The following LRPPRC variants were observed in gnomAD, a reference collection of about 807,000 sequenced individuals.
LRPPRC encodes leucine-rich PPR motif-containing protein, mitochondrial.
LRPPRC carries 120 observed loss-of-function variants against 180.3 expected under a neutral mutation model. That is an observed-to-expected ratio of 0.67 (90% CI 0.57 to 0.77). LRPPRC has a LOEUF of 0.77. Ranked by LOEUF, LRPPRC falls within the 30% of genes least tolerant of loss-of-function variation. The pLI is 0.00. For missense variants in LRPPRC, 2,012 were observed against 1,657.2 expected (o/e 1.21, Z -3.72); for synonymous variants, 723 against 600.0 (o/e 1.21, Z -3.00).
At chr2:43,915,055 A>AAAAAATAC (rs1314973007) in intron 29 of LRPPRC, among the ~76,000 whole-genome samples, 115 of 25,198 alleles carry the variant, frequency 4.6e-3, no homozygotes, top group South Asian at 0.015. Context: ...TAAAAATACA[A>AAAAAATAC]AAAAAAAAAA....
intron 13 of LRPPRC, among the ~76,000 whole-genome samples, chr2:43,960,253 T>C (rs907501153): frequency 6.6e-6 from 1 of 152,202 alleles, no homozygotes; most frequent in Non-Finnish European, 1.5e-5. Flanking sequence ...AGAAGACTTC[T>C]TCTAAATCAC....
rs1484576296 is a variant in LRPPRC, at chr2:43,886,589, C to G, written c.*2011G>C. On this transcript the variant is annotated 3_prime_UTR_variant, in exon 38 of 38. Transcript: ENST00000260665. Reference sequence around the variant, plus strand: ...TGCCGAGAGGGCTAGATAAGGGGGTCTTACCTATTTCCTCTGTACCACACT... The same window carrying G: ...TGCCGAGAGGGCTAGATAAGGGGGTGTTACCTATTTCCTCTGTACCACACT... The G allele has an allele frequency of 6.6e-6, 1 of 152,194 alleles. No homozygotes were observed. Among genetic ancestry groups the G allele is most frequent in the Non-Finnish European group, 1.5e-5 (1 of 68,036 alleles). The allele number at this position is 152,194 out of a possible 1,614,324, so 9.4% of individuals were successfully genotyped here. A position where few individuals can be genotyped will look rare whatever the true frequency, so the allele number is the denominator to read the frequency against.
rs1428005995 is a variant in LRPPRC at position 43,960,634 on chromosome 2, C to T, written c.1489G>A (p.Glu497Lys). The T allele has an allele frequency of 2.0e-6, 3 of 1,526,388 alleles. No individual in the cohort carries two copies. Among genetic ancestry groups the T allele is most frequent in the Non-Finnish European group, 9.1e-7 (1 of 1,102,458 alleles). The allele number at this position is 1,526,388 out of a possible 1,614,324, so 94.6% of individuals were successfully genotyped here. A position where few individuals can be genotyped will look rare whatever the true frequency, so the allele number is the denominator to read the frequency against. ...TCACTATCAGACAGACATCCATTTT[C>T]CTGGAGATAAAGCATATATCAATGA... ...SVNSARAILQ[E>K]NGCLSDSDMF... The change falls in exon 13 of 38, where the codon GAA (glutamate) becomes AAA (lysine). Residue 497 changes from glutamate to lysine, a missense_variant and splice_region_variant. By Grantham distance (56) the Glu-to-Lys change is moderately conservative. Transcript: ENST00000260665.
intron 25 of LRPPRC, among the ~76,000 whole-genome samples, chr2:43,928,354 A>C (rs925146102): frequency 2.0e-5 from 3 of 152,340 alleles, no homozygotes; most frequent in Non-Finnish European, 2.9e-5. Context: ...AATAATTATT[A>C]CCTGTTAGGT....
chr2:43,926,697 T>A (rs1382214216), intron 25 of LRPPRC, among the ~76,000 whole-genome samples: 1 of 152,192 alleles, frequency 6.6e-6, no homozygotes, highest in African/African-American at 2.4e-5. Context: ...ACACGCTCTC[T>A]CTTGAACACA....
chr2:43,954,976 G>C (rs954919447), intron 14 of LRPPRC, among the ~76,000 whole-genome samples: 1 of 152,122 alleles, frequency 6.6e-6, no homozygotes, highest in African/African-American at 2.4e-5. Context: ...ACAGGTCTCT[G>C]CTTCTATACA....
rs1411275260 is a variant in LRPPRC, at chr2:43,928,842, T to A, written c.2737-2881A>T. 2.0e-5 allele frequency among the ~76,000 whole-genome samples: 3 copies of A among 152,128 alleles called. No homozygotes were observed. In the East Asian group the frequency reaches 5.8e-4, roughly 29 times the overall value. ...ACTGACCCTTGAACAATACAGGGGT[T>A]AGAGTTTGACCATCTGTGCAGTCAA... On this transcript the variant is annotated intron_variant, in intron 25 of 37. Transcript: ENST00000260665.
At chr2:43,992,954 A>T (rs72798876) in intron 1 of LRPPRC, among the ~76,000 whole-genome samples, 2 of 152,184 alleles carry the variant, frequency 1.3e-5, no homozygotes, top group South Asian at 4.2e-4. Flanking sequence ...AAGAGAATGA[A>T]AATGTTGAGA....
chr2:43,964,712 AT>A (rs967825250), intron 11 of LRPPRC, among the ~76,000 whole-genome samples: 6 of 152,002 alleles, frequency 3.9e-5, no homozygotes, highest in African/African-American at 1.4e-4. Flanking sequence ...AAAAACTATA[AT>A]TTTTTTTAAA....
intron 25 of LRPPRC, among the ~76,000 whole-genome samples, chr2:43,931,171 C>T (rs986359084): frequency 6.6e-6 from 1 of 152,158 alleles, no homozygotes; most frequent in African/African-American, 2.4e-5. Context: ...TACTAAATGC[C>T]TGTCATGTGC....
chr2:43,971,143 C>A (rs978548627), intron 11 of LRPPRC, among the ~76,000 whole-genome samples: 5 of 150,776 alleles, frequency 3.3e-5, no homozygotes, highest in Non-Finnish European at 5.9e-5. Context: ...CCACTTCACT[C>A]AACTGGCATT....
At chr2:43,961,757 T>C (rs1673356048) in intron 12 of LRPPRC, among the ~76,000 whole-genome samples, 1 of 152,162 alleles carries the variant, frequency 6.6e-6, no homozygotes. Flanking sequence ...GATTAGGAGT[T>C]TGAGACCAGC....
intron 1 of LRPPRC, among the ~76,000 whole-genome samples, chr2:43,985,616 T>G (rs80247509): frequency 0.015 from 2,299 of 152,286 alleles, 69 homozygotes; most frequent in African/African-American, 0.052. Context: ...TTCTTTCACC[T>G]AGCAATACAC....
intron 1 of LRPPRC, among the ~76,000 whole-genome samples, chr2:43,984,441 T>C (rs1313521934): frequency 1.3e-5 from 2 of 152,184 alleles, no homozygotes; most frequent in African/African-American, 4.8e-5. Flanking sequence ...GTTCTGAATA[T>C]TCTAGGCAAA....
chr2:43,992,123 A>G (rs962601697), intron 1 of LRPPRC, among the ~76,000 whole-genome samples: 2 of 152,196 alleles, frequency 1.3e-5, no homozygotes, highest in African/African-American at 4.8e-5. Flanking sequence ...TACACGGTCT[A>G]AGAGGAGGCA....
At chr2:43,959,703 T>G (rs191495142) in intron 13 of LRPPRC, among the ~76,000 whole-genome samples, 1 of 151,892 alleles carries the variant, frequency 6.6e-6, no homozygotes, top group Admixed American at 6.6e-5. Flanking sequence ...TCAGGAGTGG[T>G]GAAACTCTGT....
At chr2:43,944,030 C>T in intron 22 of LRPPRC, 136 bp from the exon 23 acceptor site, 1 of 685,286 alleles carries the variant, frequency 1.5e-6, no homozygotes, top group Non-Finnish European at 2.6e-6. Flanking sequence ...TTACTACTTG[C>T]ATTTCTAAAC....
At chr2:43,915,458 G>A (rs111558594) in intron 29 of LRPPRC, among the ~76,000 whole-genome samples, 40 of 152,162 alleles carry the variant, frequency 2.6e-4, no homozygotes, top group Non-Finnish European at 3.1e-4. Context: ...GGCCAAGGCG[G>A]GCAGATCACG....
chr2:43,935,801 T>A (rs1335109775), intron 23 of LRPPRC, among the ~76,000 whole-genome samples: 2 of 152,090 alleles, frequency 1.3e-5, no homozygotes, highest in Non-Finnish European at 2.9e-5. Context: ...AAGGACAATG[T>A]TAGTATGAGA....
Sources: allele counts gnomAD v4.1 joint callset (sites outside exome capture counted in the v4.1 genomes callset), GRCh38; gene constraint gnomAD v4.1.1; transcripts MANE v1.5; gene names NCBI Gene and HGNC (gene_info 2026-07-23, HGNC 2026-07-21).